The following FAM83G variants were observed in gnomAD, a reference collection of about 807,000 sequenced individuals.
FAM83G encodes the protein scaffolding CK1 anchoring protein G.
FAM83G carries 38 observed loss-of-function variants against 61.5 expected under a neutral mutation model. The ratio of observed to expected loss-of-function variants is 0.62; its 90% CI spans 0.48 to 0.81. The LOEUF is 0.81. FAM83G is among the 30% of genes least tolerant of loss of function. The pLI, the probability that FAM83G is intolerant of heterozygous loss-of-function variation, is 0.00. For synonymous variants in FAM83G, 470 were observed against 476.1 expected (o/e 0.99, Z 0.17); for missense variants, 989 against 1,133.6 (o/e 0.87, Z 1.83).
At chr17:18,979,333 T>G (rs937270119) in intron 4 of FAM83G, 1 of 625,002 alleles carries the variant, frequency 1.6e-6, no homozygotes, top group African/African-American at 1.8e-5. Flanking sequence ...TCCAGGCCGG[T>G]GACATCTCCA....
rs1269843573 is a variant in FAM83G at position 19,003,774 on chromosome 17, GC to G, written c.267del (p.Glu91ArgfsTer54). Reference protein sequence around the residue: ...EDPRGTGPSQGPEDNGVGDGE... With the variant: ...EDPRGTGPSQXPEDNGVGDGE... ...CCGTCGCCGACCCCATTGTCCTCGG[GC>G]CCCTGAGAGGGGCCCGTGCCCCGAG... On this transcript the variant is annotated frameshift_variant, in exon 2 of 6. Coordinates refer to ENST00000388995, the MANE Select transcript of FAM83G (RefSeq NM_001039999.3). LOFTEE classifies it high-confidence loss of function. This position sits in a 1 kb window ranked among gnomAD's most constrained non-coding sequence, Gnocchi z 4.5. 1 of 1,609,960 alleles carries G rather than the reference GC, an allele frequency of 6.2e-7. No homozygotes were observed. The highest frequency in any genetic ancestry group is 2.2e-5 in the East Asian group (1 of 44,780).
intron 3 of FAM83G, among the ~76,000 whole-genome samples, chr17:18,986,749 G>A (rs972744231): frequency 6.6e-6 from 1 of 152,256 alleles, no homozygotes; most frequent in African/African-American, 2.4e-5. Context: ...CTGCACGCTG[G>A]GGGAAGTGCA....
intron 3 of FAM83G, among the ~76,000 whole-genome samples, chr17:18,982,129 G>C (rs1435174257): frequency 6.6e-6 from 1 of 152,276 alleles, no homozygotes; most frequent in African/African-American, 2.4e-5. Context: ...GCCTCCGTGT[G>C]AGCCGCAGGC....
chr17:18,997,447 A>C (rs2043596415), intron 2 of FAM83G, among the ~76,000 whole-genome samples: 1 of 152,274 alleles, frequency 6.6e-6, no homozygotes. Context: ...GGATCCAGCC[A>C]ACCAGACCAT....
In FAM83G at chr17:18,988,361, C is replaced by G. The variant is rs143682625; in HGVS notation, c.576G>C (p.Leu192=). ...CTTTCCTCTTGAAGCCGGCGTCCAG[C>G]AGGTCCTTGAAGATGTCCACGTCGG... ...MFTDVDIFKD[L]LDAGFKRKVA... is the part of the protein sequence containing the mutation. The change falls in exon 3 of 6, where the codon CTG becomes CTC. Residue 192 remains leucine, a synonymous_variant. Coordinates refer to ENST00000388995, the MANE Select transcript of FAM83G (RefSeq NM_001039999.3). 1 of 1,614,244 alleles carries G rather than the reference C, an allele frequency of 6.2e-7. No individual in the cohort carries two copies. Among genetic ancestry groups the G allele is most frequent in the Non-Finnish European group, 8.5e-7 (1 of 1,180,052 alleles).
At chr17:18,994,549 TGGAAAGGGGAGGCTGAGCAGAGAACCACC>T (rs1298150739) in intron 2 of FAM83G, among the ~76,000 whole-genome samples, 5 of 152,014 alleles carry the variant, frequency 3.3e-5, no homozygotes, top group East Asian at 3.9e-4. Flanking sequence ...AGGGAACCAC[TGGAAAGGGGAGGCTGAGCAGAGAACCACC>T]GGAAAGGGGT....
upstream of FAM83G, among the ~76,000 whole-genome samples, chr17:19,005,923 G>A (rs1266774715): frequency 6.6e-6 from 1 of 152,190 alleles, no homozygotes; most frequent in African/African-American, 2.4e-5. Context: ...GGGGAGCCCT[G>A]CCTTGAGGGT....
rs777094871 is a variant in FAM83G, at chr17:18,978,476, G to A, written c.1190C>T (p.Pro397Leu). Residue 397 changes from proline to leucine, a missense_variant, in exon 5 of 6, where the codon CCA becomes CTA. Around this residue, in one of 3 missense-constraint regions of FAM83G, gnomAD observed 574 missense variants for 645.1 expected, o/e 0.89. Coordinates refer to ENST00000388995, the MANE Select transcript of FAM83G (RefSeq NM_001039999.3). ...GGCCCTCTCCAGGTGAAGCAGTCCT[G>A]GGTGGATGGGTGGCAGCAGCTCGGG... ...ELPELLPPIHPGLLHLERANM... is the reference protein window; with the variant it reads ...ELPELLPPIHLGLLHLERANM... 1 of 1,611,580 alleles carries A rather than the reference G, an allele frequency of 6.2e-7. No individual in the cohort carries two copies. Among genetic ancestry groups the A allele is most frequent in the South Asian group, 1.1e-5 (1 of 90,832 alleles).
At chr17:18,997,939 T>C (rs1035326423) in intron 2 of FAM83G, among the ~76,000 whole-genome samples, 20 of 152,342 alleles carry the variant, frequency 1.3e-4, no homozygotes, top group African/African-American at 4.8e-4. Flanking sequence ...CTGTTAGCAC[T>C]ACCATGACAC....
Position 18,989,331 on chromosome 17 carries a change from C to T in FAM83G, c.523-917G>A, listed in dbSNP as rs368832735. Among the ~76,000 whole-genome samples the T allele has an allele frequency of 2.2e-3, 340 of 152,308 alleles. 10 individuals carry two copies. In the South Asian group the frequency reaches 0.065, roughly 29 times the overall value. ...AGAGCACCCCAGCCTTGCTGGGATG[C>T]GGAGATTCAGGGTGGTGGAGGCGGC... On this transcript the variant is annotated intron_variant, in intron 2 of 5. Coordinates refer to ENST00000388995, the MANE Select transcript of FAM83G (RefSeq NM_001039999.3).
chr17:18,977,765 G>A lies in FAM83G; in HGVS notation c.1901C>T (p.Ser634Leu). Residue 634 changes from serine (S) to leucine (L), a missense_variant, in exon 5 of 6, where the codon TCA (serine) becomes TTA (leucine). Coordinates refer to ENST00000388995, the MANE Select transcript of FAM83G (RefSeq NM_001039999.3). ...GGTTGGCCCGTTGGCCACTTGCTCT[G>A]AGTGGCGCCTCCGGAGAGGGACTGA... Reference protein sequence around the residue: ...EHSVPLRRRHSEQVANGPTPP... With the variant: ...EHSVPLRRRHLEQVANGPTPP... 2 of 1,604,168 alleles carry A rather than the reference G, an allele frequency of 1.2e-6. No individual in the cohort carries two copies. Among genetic ancestry groups the A allele is most frequent in the African/African-American group, 2.7e-5 (2 of 74,938 alleles).
At chr17:18,976,993 G>A in intron 5 of FAM83G, 1 of 1,611,890 alleles carries the variant, frequency 6.2e-7, no homozygotes, top group Non-Finnish European at 8.5e-7. Context: ...TTCCCAGGTA[G>A]GACGGGCTCC....
chr17:18,992,247 C>T (rs76608373), intron 2 of FAM83G, among the ~76,000 whole-genome samples: 1 of 152,320 alleles, frequency 6.6e-6, no homozygotes, highest in African/African-American at 2.4e-5. Flanking sequence ...TCGAATCCCC[C>T]ACCTCCCTCT....
Position 19,000,474 on chromosome 17 carries a change from G to A in FAM83G, c.522+3046C>T, listed in dbSNP as rs1452658067. On this transcript the variant is annotated intron_variant, in intron 2 of 5. Transcript: ENST00000388995. The surrounding 1 kb of genome is among the most constrained non-coding windows in gnomAD (Gnocchi z 5.2). ...TGGCTCCTGGTCCTGCTGTCCACTA[G>A]TTCCATTCTAGTCATTTGGGAACAG... Among the ~76,000 whole-genome samples the A allele has an allele frequency of 6.6e-6, 1 of 152,182 alleles. No individual in the cohort carries two copies. The highest frequency in any genetic ancestry group is 1.5e-5 in the Non-Finnish European group (1 of 68,012).
At position 18,969,316 on chromosome 17, in the gene FAM83G, T is replaced by C. The variant is rs769882456; in HGVS notation, c.*2043A>G. ...CCTCCTCCCTGGGGCCAGGGCCCCC[T>C]CCAGCAACCTTGCTTCCACTGGCAG... On this transcript the variant is annotated 3_prime_UTR_variant, in exon 6 of 6. Coordinates refer to ENST00000388995, the MANE Select transcript of FAM83G (RefSeq NM_001039999.3). 2 of 1,610,788 alleles carry C rather than the reference T, an allele frequency of 1.2e-6. No homozygotes were observed. Among genetic ancestry groups the C allele is most frequent in the African/African-American group, 2.7e-5 (2 of 74,882 alleles).
chr17:19,005,688 C>G (rs2043867776), upstream of FAM83G, among the ~76,000 whole-genome samples: 1 of 151,686 alleles, frequency 6.6e-6, no homozygotes, highest in South Asian at 2.1e-4. Context: ...CATGGCCCAT[C>G]AGGACTCCTT....
intron 3 of FAM83G, among the ~76,000 whole-genome samples, chr17:18,984,610 T>G (rs970673267): frequency 6.6e-6 from 1 of 152,220 alleles, no homozygotes; most frequent in African/African-American, 2.4e-5. Flanking sequence ...GCTGCTGGTA[T>G]TTCCAGTTTG....
At chr17:18,982,210 A>T (rs900540428) in intron 3 of FAM83G, among the ~76,000 whole-genome samples, 14 of 152,126 alleles carry the variant, frequency 9.2e-5, no homozygotes, top group Admixed American at 2.0e-4. Context: ...AGTCTCCCTT[A>T]GCACACAGCA....
chr17:18,993,960 G>A (rs1446996430), intron 2 of FAM83G, among the ~76,000 whole-genome samples: 1 of 152,110 alleles, frequency 6.6e-6, no homozygotes, highest in East Asian at 1.9e-4. Context: ...GACCCTCCTC[G>A]TCCTCCCACC....
Sources: allele counts gnomAD v4.1 joint callset (sites outside exome capture counted in the v4.1 genomes callset), GRCh38; gene constraint gnomAD v4.1.1; regional missense constraint gnomAD v4.1.1; non-coding constraint Gnocchi (gnomAD v3.1); transcripts MANE v1.5; gene names NCBI Gene and HGNC (gene_info 2026-07-23, HGNC 2026-07-21).